Variants in ENTREP2 observed in about 807,000 individuals in gnomAD.
ENTREP2 encodes protein ENTREP2.
At chr15:29,490,334 G>C in the ENTREP2 span, among the ~76,000 whole-genome samples, 1 of 152,214 alleles carries the variant, frequency 6.6e-6, no homozygotes, top group African/African-American at 2.4e-5. Flanking sequence ...CAGAGCCTAA[G>C]AGTGAGCAGT....
the ENTREP2 span, among the ~76,000 whole-genome samples, chr15:29,500,188 A>G: frequency 6.6e-6 from 1 of 152,186 alleles, no homozygotes; most frequent in South Asian, 2.1e-4. Context: ...AATAATGAAT[A>G]GAACAAATAG....
chr15:29,208,359 C>G, the ENTREP2 span, among the ~76,000 whole-genome samples: 1 of 152,122 alleles, frequency 6.6e-6, no homozygotes, highest in South Asian at 2.1e-4. Context: ...AATGTTGATG[C>G]TTGCTAGGAG....
chr15:29,157,969 G>A, the ENTREP2 span, among the ~76,000 whole-genome samples: 3 of 152,028 alleles, frequency 2.0e-5, no homozygotes, highest in Non-Finnish European at 4.4e-5. Flanking sequence ...CAGCCGCCTT[G>A]GCCTCCCAAA....
chr15:29,400,350 G>A, the ENTREP2 span, among the ~76,000 whole-genome samples: 1 of 152,220 alleles, frequency 6.6e-6, no homozygotes, highest in Non-Finnish European at 1.5e-5. Context: ...TTAATAAGAG[G>A]TGAGCAGGAG....
the ENTREP2 span, among the ~76,000 whole-genome samples, chr15:29,174,161 A>G: frequency 6.6e-6 from 1 of 152,138 alleles, no homozygotes; most frequent in Non-Finnish European, 1.5e-5. Context: ...TCCAGGTATT[A>G]CTCTTGATTT....
chr15:29,403,528 A>T, the ENTREP2 span, among the ~76,000 whole-genome samples: 10 of 152,220 alleles, frequency 6.6e-5, no homozygotes, highest in African/African-American at 1.4e-4. Flanking sequence ...TATGCAAGCA[A>T]ATTCACAGAC....
At chr15:29,260,273 C>G in the ENTREP2 span, among the ~76,000 whole-genome samples, 16 of 152,140 alleles carry the variant, frequency 1.1e-4, no homozygotes, top group Non-Finnish European at 1.9e-4. Context: ...AAAGACACTA[C>G]AAGAAAAGTA....
chr15:29,317,441 T>C, the ENTREP2 span, among the ~76,000 whole-genome samples: 24 of 152,294 alleles, frequency 1.6e-4, no homozygotes, highest in African/African-American at 4.8e-4. Context: ...GAAGAAATAT[T>C]TGAATCAAAA....
At chr15:29,417,838 G>A in the ENTREP2 span, among the ~76,000 whole-genome samples, 2 of 152,032 alleles carry the variant, frequency 1.3e-5, no homozygotes, top group Non-Finnish European at 2.9e-5. Flanking sequence ...GTGGAGTCAT[G>A]GGCATTCACT....
At chr15:29,385,583 T>C in the ENTREP2 span, among the ~76,000 whole-genome samples, 4 of 152,208 alleles carry the variant, frequency 2.6e-5, no homozygotes, top group African/African-American at 9.6e-5. Context: ...TGATGGGCTG[T>C]CACTCTTGTG....
the ENTREP2 span, among the ~76,000 whole-genome samples, chr15:29,450,867 T>C: frequency 3.3e-5 from 5 of 152,062 alleles, no homozygotes; most frequent in South Asian, 1.0e-3. Flanking sequence ...AACCAAATAC[T>C]GCATGTTCTC....
chr15:29,356,040 C>T, the ENTREP2 span, among the ~76,000 whole-genome samples: 1 of 151,958 alleles, frequency 6.6e-6, no homozygotes, highest in Non-Finnish European at 1.5e-5. Context: ...GCAATGTTCT[C>T]TGTTCCAATA....
the ENTREP2 span, among the ~76,000 whole-genome samples, chr15:29,674,001 A>C: frequency 6.6e-6 from 1 of 152,020 alleles, no homozygotes; most frequent in Non-Finnish European, 1.5e-5. Context: ...GAGAAACCAG[A>C]GTGTGTGGTC....
the ENTREP2 span, among the ~76,000 whole-genome samples, chr15:29,193,016 C>T: frequency 6.6e-6 from 1 of 152,180 alleles, no homozygotes; most frequent in African/African-American, 2.4e-5. Context: ...TTAGCGCTAA[C>T]ATTATACTTA....
the ENTREP2 span, among the ~76,000 whole-genome samples, chr15:29,641,757 G>C: frequency 6.6e-6 from 1 of 151,294 alleles, no homozygotes; most frequent in Non-Finnish European, 1.5e-5. Context: ...TCTTGAACAC[G>C]GGAGGCAGAG....
the ENTREP2 span, among the ~76,000 whole-genome samples, chr15:29,571,435 C>A: frequency 6.6e-6 from 1 of 150,752 alleles, no homozygotes; most frequent in Non-Finnish European, 1.5e-5. Context: ...CGCTGGGCCG[C>A]AGGTGTGGCG....
chr15:29,171,097 T>C, the ENTREP2 span, among the ~76,000 whole-genome samples: 1 of 152,184 alleles, frequency 6.6e-6, no homozygotes, highest in Non-Finnish European at 1.5e-5. Flanking sequence ...CCCATGCTAA[T>C]GACAATCCAT....
chr15:29,164,088 TAC>T, the ENTREP2 span, among the ~76,000 whole-genome samples: 1 of 152,122 alleles, frequency 6.6e-6, no homozygotes, highest in Non-Finnish European at 1.5e-5. Flanking sequence ...TGAAAGAAGA[TAC>T]AGTCTTTTTC....
chr15:29,542,653 A>G, the ENTREP2 span, among the ~76,000 whole-genome samples: 1 of 152,144 alleles, frequency 6.6e-6, no homozygotes, highest in Non-Finnish European at 1.5e-5. Flanking sequence ...GTACATTCAC[A>G]TTGTTGTGCA....
Sources: gnomAD v4.1 joint callset for allele counts (sites outside exome capture counted in the v4.1 genomes callset) on GRCh38, gnomAD v4.1.1 for gene constraint, MANE v1.5 for transcripts, NCBI Gene and HGNC (gene_info 2026-07-23, HGNC 2026-07-21) for gene names.